Variants in POLR3B observed in about 807,000 individuals in gnomAD.
The protein encoded by POLR3B is RNA polymerase III subunit B, also known as DNA-directed RNA polymerase III subunit RPC2.
POLR3B carries 96 observed loss-of-function variants against 147.4 expected under a neutral mutation model. That is an observed-to-expected ratio of 0.65 (90% CI 0.55 to 0.77). The LOEUF is 0.77. Ranked by LOEUF, POLR3B falls within the 30% of genes least tolerant of loss-of-function variation. The probability of loss-of-function intolerance (pLI) is 0.00; values close to 1 mark genes in which losing one functional copy is unlikely to be tolerated. For missense variants in POLR3B, 1,036 were observed against 1,413.5 expected (o/e 0.73, Z 4.28); for synonymous variants, 461 against 485.9 (o/e 0.95, Z 0.67).
At chr12:106,455,766 G>A (rs978102662) in intron 20 of POLR3B, among the ~76,000 whole-genome samples, 3 of 152,130 alleles carry the variant, frequency 2.0e-5, no homozygotes, top group Non-Finnish European at 4.4e-5. Context: ...ATTCTGAGCC[G>A]AGTTTATTAT....
intron 16 of POLR3B, among the ~76,000 whole-genome samples, chr12:106,434,767 A>G (rs952652917): frequency 1.3e-5 from 2 of 152,184 alleles, no homozygotes; most frequent in Admixed American, 6.5e-5. Flanking sequence ...GAGTGACTGC[A>G]TGCTTTCTTT....
chr12:106,370,308 A>C (rs1472287052), intron 6 of POLR3B, among the ~76,000 whole-genome samples: 1 of 152,212 alleles, frequency 6.6e-6, no homozygotes, highest in Non-Finnish European at 1.5e-5. Flanking sequence ...AATATATACC[A>C]ACTGCCTATC....
At chr12:106,435,090 G>A (rs1004123730) in intron 16 of POLR3B, among the ~76,000 whole-genome samples, 1 of 151,928 alleles carries the variant, frequency 6.6e-6, no homozygotes, top group Non-Finnish European at 1.5e-5. Flanking sequence ...CTGAGGCTGA[G>A]CATTTCACCT....
chr12:106,437,866 A>G (rs565780153), intron 18 of POLR3B, 87 bp downstream of exon 18: 6 of 777,054 alleles, frequency 7.7e-6, no homozygotes, highest in South Asian at 2.9e-5. Flanking sequence ...CAGTCCTTCT[A>G]TCTTTTACTC....
intron 1 of POLR3B, chr12:106,358,260 G>A (rs762831959): frequency 2.6e-5 from 34 of 1,330,970 alleles, no homozygotes; most frequent in Non-Finnish European, 3.3e-5. Context: ...ACTTACTGTG[G>A]GGGACGTATT....
At chr12:106,444,301 TTTTA>T (rs2037693391) in intron 18 of POLR3B, among the ~76,000 whole-genome samples, 158 bp from the exon 19 acceptor site, 1 of 152,214 alleles carries the variant, frequency 6.6e-6, no homozygotes, top group South Asian at 2.1e-4. Flanking sequence ...TTTTACTGTA[TTTTA>T]TTTAAGTATG....
rs538577233 is a variant in POLR3B at position 106,457,186 on chromosome 12, G to A, written c.2342G>A (p.Arg781Gln). 4 of 1,612,916 alleles carry A rather than the reference G, an allele frequency of 2.5e-6. No individual in the cohort carries two copies. Among genetic ancestry groups the A allele is most frequent in the East Asian group, 2.2e-5 (1 of 44,872 alleles). ...AAAAATGCTAAATGTACGTTGAAAC[G>A]ATACACCAATCAGACTTTTGATAAA... The part of the protein sequence containing the change: ...VYKNAKCTLK[R>Q]YTNQTFDKVM... Residue 781 changes from arginine to glutamine, a missense_variant, in exon 21 of 28, where the codon CGA becomes CAA. Transcript: ENST00000228347.
chr12:106,396,220 G>A (rs1401514021), intron 10 of POLR3B, among the ~76,000 whole-genome samples: 1 of 152,110 alleles, frequency 6.6e-6, no homozygotes, highest in Non-Finnish European at 1.5e-5. Context: ...TTTTTCACAA[G>A]GAAACTAGAA....
At chr12:106,372,840 T>C (rs2036627680) in intron 6 of POLR3B, among the ~76,000 whole-genome samples, 2 of 151,250 alleles carry the variant, frequency 1.3e-5, no homozygotes, top group Admixed American at 1.3e-4. Flanking sequence ...AATATTCTTA[T>C]ATCTTCATGT....
intron 25 of POLR3B, among the ~76,000 whole-genome samples, chr12:106,500,528 C>T (rs1043272921): frequency 2.0e-5 from 3 of 152,102 alleles, no homozygotes; most frequent in Non-Finnish European, 4.4e-5. Flanking sequence ...GGGGCAAGTG[C>T]GCCAAAGGGT....
At chr12:106,413,630 T>C (rs2037260312) in intron 12 of POLR3B, among the ~76,000 whole-genome samples, 1 of 152,124 alleles carries the variant, frequency 6.6e-6, no homozygotes, top group African/African-American at 2.4e-5. Flanking sequence ...TTCTTTATGA[T>C]ATGCCTTGGT....
intron 23 of POLR3B, among the ~76,000 whole-genome samples, chr12:106,477,924 AG>A (rs2038204740): frequency 3.2e-5 from 1 of 31,066 alleles, no homozygotes; most frequent in East Asian, 3.9e-3. Context: ...TTTTTTTTGG[AG>A]ACAGAGCCTC....
At chr12:106,444,393 T>C in intron 18 of POLR3B, 70 bp from the exon 19 acceptor site, 1 of 1,506,616 alleles carries the variant, frequency 6.6e-7, no homozygotes, top group Non-Finnish European at 9.2e-7. Flanking sequence ...ACAATATTTT[T>C]GTACCCTTTA....
intron 9 of POLR3B, among the ~76,000 whole-genome samples, chr12:106,383,344 T>C (rs1469965438): frequency 1.3e-5 from 2 of 152,214 alleles, no homozygotes; most frequent in Non-Finnish European, 2.9e-5. Flanking sequence ...AACTTTTCCT[T>C]TGTGTGCACA....
chr12:106,357,989 A>T, intron 1 of POLR3B, 38 bp downstream of exon 1: 1 of 1,606,916 alleles, frequency 6.2e-7, no homozygotes, highest in Non-Finnish European at 8.5e-7. Context: ...AGGGACAAGG[A>T]TGCGCCCTGA....
intron 18 of POLR3B, among the ~76,000 whole-genome samples, chr12:106,442,598 A>T (rs1593043904): frequency 2.6e-5 from 4 of 152,300 alleles, no homozygotes; most frequent in Admixed American, 2.6e-4. Context: ...TCTCTCACCA[A>T]ACTAGGGACA....
chr12:106,371,329 A>T (rs1014232213), intron 6 of POLR3B, among the ~76,000 whole-genome samples: 4 of 152,096 alleles, frequency 2.6e-5, no homozygotes, highest in African/African-American at 9.7e-5. Context: ...GAACACATTT[A>T]CTCTGTTGGT....
At chr12:106,364,962 C>T (rs998062240) in intron 2 of POLR3B, among the ~76,000 whole-genome samples, 16 of 152,062 alleles carry the variant, frequency 1.1e-4, no homozygotes, top group African/African-American at 2.9e-4. Context: ...AGTGAAACCT[C>T]GTCTCTACTA....
At chr12:106,474,923 G>A (rs1021963340) in intron 23 of POLR3B, among the ~76,000 whole-genome samples, 16 of 141,822 alleles carry the variant, frequency 1.1e-4, no homozygotes, top group African/African-American at 2.0e-4. Context: ...GAATGTGTTC[G>A]CTCTTGCTTT....
Sources: allele counts gnomAD v4.1 joint callset (sites outside exome capture counted in the v4.1 genomes callset), GRCh38; gene constraint gnomAD v4.1.1; transcripts MANE v1.5; gene names NCBI Gene and HGNC (gene_info 2026-07-23, HGNC 2026-07-21).